Variants in NPR3 observed in about 807,000 individuals in gnomAD.
NPR3 encodes atrial natriuretic peptide receptor 3.
In NPR3, 34 loss-of-function variants were observed where a neutral mutation model predicts 54.5. The observed-to-expected ratio is 0.62, with a 90% confidence interval of 0.47 to 0.83. The LOEUF is 0.83. Ranked by LOEUF, NPR3 falls within the 40% of genes least tolerant of loss-of-function variation. The pLI is 0.00. For missense variants in NPR3, 674 were observed against 720.8 expected, an observed-to-expected ratio of 0.94 and a Z score of 0.74; for synonymous variants, 289 against 297.1, an observed-to-expected ratio of 0.97 and a Z score of 0.28.
intron 3 of NPR3, among the ~76,000 whole-genome samples, chr5:32,770,286 C>T (rs756528601): frequency 6.6e-6 from 1 of 151,852 alleles, no homozygotes; most frequent in South Asian, 2.1e-4. Flanking sequence ...AAAAATTAAC[C>T]GGGCATGGTG....
At chr5:32,702,334 G>A (rs1035346764) in intron 1 of NPR3, among the ~76,000 whole-genome samples, 2 of 151,738 alleles carry the variant, frequency 1.3e-5, no homozygotes, top group Non-Finnish European at 2.9e-5. Flanking sequence ...ATGTATACAT[G>A]TCCCATGCTG....
intron 2 of NPR3, among the ~76,000 whole-genome samples, chr5:32,733,483 G>A (rs905644088): frequency 3.9e-5 from 6 of 152,072 alleles, no homozygotes; most frequent in Admixed American, 2.6e-4. Flanking sequence ...AACTTATCTG[G>A]GCGATCCTGT....
chr5:32,787,387 C>T lies in NPR3; in HGVS notation c.*1042C>T, dbSNP rs571803577. On this transcript the variant is annotated 3_prime_UTR_variant, in exon 8 of 8. Transcript: ENST00000265074. ...TTTTAGGGTGACACTCCTTCCAGTT[C>T]TGGCCAGATCATGAGTTTCAAGATC... 2.6e-5 allele frequency: 4 copies of T among 152,308 alleles called. No individual in the cohort carries two copies. The East Asian group carries it at 7.7e-4, about 29-fold the overall frequency. The allele number at this position is 152,308 out of a possible 1,614,324, so 9.4% of individuals were successfully genotyped here.
At chr5:32,762,403 C>G (rs906904982) in intron 3 of NPR3, among the ~76,000 whole-genome samples, 1 of 150,576 alleles carries the variant, frequency 6.6e-6, no homozygotes. Context: ...AATTTACACT[C>G]CCACCGACAG....
intron 3 of NPR3, among the ~76,000 whole-genome samples, chr5:32,774,337 A>T (rs1741924387): frequency 6.6e-6 from 1 of 152,142 alleles, no homozygotes; most frequent in Non-Finnish European, 1.5e-5. Context: ...TTGAAGGTGG[A>T]GAAGACCTCA....
At chr5:32,753,624 C>CA (rs1358834693) in intron 3 of NPR3, among the ~76,000 whole-genome samples, 1 of 102,810 alleles carries the variant, frequency 9.7e-6, no homozygotes, top group African/African-American at 3.8e-5. Flanking sequence ...TCTCAGCATC[C>CA]TTTTTTTTTT....
chr5:32,736,795 G>A (rs1739773116), intron 2 of NPR3, among the ~76,000 whole-genome samples: 1 of 152,142 alleles, frequency 6.6e-6, no homozygotes, highest in African/African-American at 2.4e-5. Context: ...TCGTGGGAGA[G>A]GAGGAGGACT....
chr5:32,782,348 G>A (rs1742379799), intron 5 of NPR3, among the ~76,000 whole-genome samples: 2 of 118,680 alleles, frequency 1.7e-5, no homozygotes, highest in South Asian at 4.6e-4. Context: ...GACCCTGGCT[G>A]TCCTTCACAT....
intron 1 of NPR3, among the ~76,000 whole-genome samples, chr5:32,713,945 G>A (rs573111420): frequency 6.6e-6 from 1 of 152,198 alleles, no homozygotes; most frequent in Non-Finnish European, 1.5e-5. Flanking sequence ...AGGCTTTGCC[G>A]ATTATGAAAA....
intron 2 of NPR3, among the ~76,000 whole-genome samples, chr5:32,725,502 A>G (rs962522518): frequency 6.6e-6 from 1 of 152,144 alleles, no homozygotes; most frequent in African/African-American, 2.4e-5. Flanking sequence ...TGCACTCCAA[A>G]TGGTCATAAA....
chr5:32,780,170 C>G (rs913825874), intron 4 of NPR3, among the ~76,000 whole-genome samples: 2 of 152,168 alleles, frequency 1.3e-5, no homozygotes, highest in Non-Finnish European at 2.9e-5. Context: ...AAACAATTAG[C>G]GAAGAACTCA....
At chr5:32,768,133 C>T (rs139241068) in intron 3 of NPR3, among the ~76,000 whole-genome samples, 1 of 152,130 alleles carries the variant, frequency 6.6e-6, no homozygotes, top group African/African-American at 2.4e-5. Context: ...CGTGCCTTGA[C>T]AGGACACAGA....
In NPR3 at chr5:32,774,764, A is replaced by G. The variant is rs377012342; in HGVS notation, c.1116A>G (p.Leu372=). 187 of 1,600,720 alleles carry G rather than the reference A, an allele frequency of 1.2e-4. No homozygotes were observed. The highest frequency in any genetic ancestry group is 1.5e-4 in the Non-Finnish European group (175 of 1,167,922). The change falls in exon 4 of 8, where the codon CTA becomes CTG. Residue 372 remains leucine (L), a synonymous_variant. Coordinates refer to ENST00000265074, the MANE Select transcript of NPR3 (RefSeq NM_001204375.2). The stretch of plus-strand genomic sequence containing the variant: ...CCATCCTCCTCTACGTCTTGGCTCT[A>G]CATGAAGTACTCAGAGCTGGTTACA... ...HDAILLYVLA[L]HEVLRAGYSK...
intron 2 of NPR3, among the ~76,000 whole-genome samples, chr5:32,737,308 C>G (rs1292599533): frequency 1.3e-5 from 2 of 152,242 alleles, no homozygotes; most frequent in Admixed American, 6.5e-5. Context: ...CTCAGCCTCT[C>G]TCTTGAATGT....
chr5:32,787,843 G>C lies in NPR3; in HGVS notation c.*1498G>C, dbSNP rs1415760611. 6.6e-6 allele frequency: 1 copy of C among 152,156 alleles called. No homozygotes were observed. The allele number at this position is 152,156 out of a possible 1,614,324, so 9.4% of individuals were successfully genotyped here. A position where few individuals can be genotyped will look rare whatever the true frequency, so the allele number is the denominator to read the frequency against. On this transcript the variant is annotated 3_prime_UTR_variant, in exon 8 of 8. Coordinates refer to ENST00000265074, the MANE Select transcript of NPR3 (RefSeq NM_001204375.2). Reference sequence around the variant, plus strand: ...AGCTGTCATGAGAGTGCACCGTCTTGGAATTACATAACTGGGGTCTTTCCT... The same window carrying C: ...AGCTGTCATGAGAGTGCACCGTCTTCGAATTACATAACTGGGGTCTTTCCT...
intron 3 of NPR3, among the ~76,000 whole-genome samples, chr5:32,752,597 C>G (rs1047896614): frequency 1.3e-5 from 2 of 152,128 alleles, no homozygotes; most frequent in African/African-American, 4.8e-5. Context: ...ATAATTTGTC[C>G]ATATAAAAAG....
chr5:32,731,541 A>G (rs1310805986), intron 2 of NPR3, among the ~76,000 whole-genome samples: 1 of 152,236 alleles, frequency 6.6e-6, no homozygotes, highest in Non-Finnish European at 1.5e-5. Context: ...GACGTATATA[A>G]AATACCTTGC....
chr5:32,753,622 T>C (rs1299979843), intron 3 of NPR3, among the ~76,000 whole-genome samples: 4 of 131,994 alleles, frequency 3.0e-5, no homozygotes, highest in African/African-American at 1.2e-4. Context: ...GGTCTCAGCA[T>C]CCTTTTTTTT....
At chr5:32,740,110 G>T (rs1739963508) in intron 3 of NPR3, among the ~76,000 whole-genome samples, 1 of 152,150 alleles carries the variant, frequency 6.6e-6, no homozygotes, top group Non-Finnish European at 1.5e-5. Flanking sequence ...GTTGGATAAT[G>T]ATCAACTTCA....
Sources: gnomAD v4.1 joint callset for allele counts (sites outside exome capture counted in the v4.1 genomes callset) on GRCh38, gnomAD v4.1.1 for gene constraint, MANE v1.5 for transcripts, NCBI Gene and HGNC (gene_info 2026-07-23, HGNC 2026-07-21) for gene names.